Variants in DYNC1LI1 observed in about 807,000 individuals in gnomAD.
DYNC1LI1 encodes the protein dynein cytoplasmic 1 light intermediate chain 1.
Under a neutral mutation model 63.8 loss-of-function variants are expected in DYNC1LI1, and 19 were observed. The observed-to-expected ratio is 0.30, with a 90% CI of 0.21 to 0.44. The LOEUF (loss-of-function observed/expected upper bound fraction) is 0.44, where lower values mean the gene tolerates loss of function less well. Among genes scored for constraint, DYNC1LI1 ranks in the 20% least tolerant of loss-of-function variants. DYNC1LI1 has a pLI of 1.00. For synonymous variants in DYNC1LI1, 225 were observed against 232.3 expected (o/e 0.97, Z 0.28); for missense variants, 565 against 630.2 (o/e 0.90, Z 1.11).
intron 2 of DYNC1LI1, among the ~76,000 whole-genome samples, chr3:32,547,719 A>G (rs980579174): frequency 6.6e-6 from 1 of 152,200 alleles, no homozygotes; most frequent in Non-Finnish European, 1.5e-5. Flanking sequence ...CTTCACAGCA[A>G]TAAGTGTAAC....
At chr3:32,557,983 T>C (rs138113472) in intron 2 of DYNC1LI1, among the ~76,000 whole-genome samples, 1,781 of 152,336 alleles carry the variant, frequency 0.012, 26 homozygotes, top group Admixed American at 0.024. Flanking sequence ...TGCATGTTTA[T>C]ATACTAAATT....
At chr3:32,556,555 T>G (rs1244651774) in intron 2 of DYNC1LI1, among the ~76,000 whole-genome samples, 1 of 152,188 alleles carries the variant, frequency 6.6e-6, no homozygotes, top group East Asian at 1.9e-4. Context: ...TGTTTCTCTG[T>G]TTTGTTTTGA....
chr3:32,566,802 A>G lies in DYNC1LI1; in HGVS notation c.220+3544T>C, dbSNP rs1394524472. ...TCAATTGTATTAAAAGTAATTAAAT[A>G]TAAAAGGTAAAAATGAAAATGCAGT... On this transcript the variant is annotated intron_variant, in intron 2 of 12. Transcript: ENST00000273130. 6 of 353,852 alleles carry G rather than the reference A, an allele frequency of 1.7e-5. No individual in the cohort carries two copies. In the East Asian group the frequency reaches 5.6e-4, roughly 33 times the overall value. 21.9% of individuals were successfully genotyped at this position (353,852 alleles called of 1,614,324 possible).
At chr3:32,557,931 G>A (rs1407405813) in intron 2 of DYNC1LI1, among the ~76,000 whole-genome samples, 1 of 152,126 alleles carries the variant, frequency 6.6e-6, no homozygotes, top group Non-Finnish European at 1.5e-5. Flanking sequence ...AACCCTTTAG[G>A]TGATGATGCT....
chr3:32,537,275 G>A (rs777803998), intron 5 of DYNC1LI1, 171 bp from the exon 6 acceptor site: 8 of 373,288 alleles, frequency 2.1e-5, no homozygotes, highest in Non-Finnish European at 3.8e-5. Context: ...TTAGTTGGAG[G>A]GACTAATGGA....
At chr3:32,554,617 C>T (rs910180343) in intron 2 of DYNC1LI1, among the ~76,000 whole-genome samples, 14 of 152,134 alleles carry the variant, frequency 9.2e-5, no homozygotes, top group African/African-American at 3.1e-4. Context: ...TCCAAGTCAA[C>T]CTCTGCAAGG....
In DYNC1LI1 at chr3:32,544,937, A is replaced by G. The variant is rs1261696111; in HGVS notation, c.507T>C (p.Val169=). 1.9e-6 allele frequency: 3 copies of G among 1,614,074 alleles called. No individual in the cohort carries two copies. Among genetic ancestry groups the G allele is most frequent in the Non-Finnish European group, 2.5e-6 (3 of 1,180,004 alleles). The stretch of plus-strand genomic sequence containing the variant: ...TTTTCAGTTTGTCAACATGTTCTCT[A>G]ACAACACTTGCCCATTTCTGTAAAG... ...LDSLQKWASV[V]REHVDKLKIP... The change falls in exon 4 of 13, where the codon GTT becomes GTC. Residue 169 remains valine, a synonymous_variant. Transcript: ENST00000273130.
In DYNC1LI1 at chr3:32,570,368, C is replaced by G. The variant is rs773904340; in HGVS notation, c.198G>C (p.Ala66=). The G allele has an allele frequency of 1.9e-6, 3 of 1,604,942 alleles. No homozygotes were observed. Among genetic ancestry groups the G allele is most frequent in the Admixed American group, 1.7e-5 (1 of 59,218 alleles). The part of the protein sequence containing the change: ...VSTRSRSKLP[A]GKNVLLLGED... Reference sequence around the variant, plus strand: ...TACCCAGCAGTAGCACGTTCTTCCCCGCAGGGAGCTTGGAGCGCGAGCGGG... The same window carrying G: ...TACCCAGCAGTAGCACGTTCTTCCCGGCAGGGAGCTTGGAGCGCGAGCGGG... Residue 66 remains alanine (A), a synonymous_variant, in exon 2 of 13, where the codon GCG becomes GCC. Transcript: ENST00000273130.
intron 2 of DYNC1LI1, among the ~76,000 whole-genome samples, chr3:32,565,829 G>T (rs1011763729): frequency 6.6e-6 from 1 of 152,070 alleles, no homozygotes; most frequent in South Asian, 2.1e-4. Flanking sequence ...GGCTGGTCTC[G>T]AACTCTTGAC....
rs1697749789 is a variant in DYNC1LI1, at chr3:32,534,575, G to C, written c.904C>G (p.Gln302Glu). The stretch of plus-strand genomic sequence containing the variant: ...TTATAGGGAAATCCATATAGTTTCT[G>C]AACGATGTATTTATATACTAAGTCT... ...NIDLVYKYIV[Q>E]KLYGFPYKIP... is the part of the protein sequence containing the mutation. Residue 302 changes from glutamine to glutamate, a missense_variant, in exon 7 of 13, where the codon CAG (glutamine) becomes GAG (glutamate). Physicochemically the swap from Gln to Glu is conservative, Grantham distance 29. Coordinates refer to ENST00000273130, the MANE Select transcript of DYNC1LI1 (RefSeq NM_016141.4). 1 of 1,597,224 alleles carries C rather than the reference G, an allele frequency of 6.3e-7. No individual in the cohort carries two copies. The highest frequency in any genetic ancestry group is 8.6e-7 in the Non-Finnish European group (1 of 1,167,034).
chr3:32,566,216 G>A (rs1245394979), intron 2 of DYNC1LI1, among the ~76,000 whole-genome samples: 2 of 152,052 alleles, frequency 1.3e-5, no homozygotes, highest in African/African-American at 4.8e-5. Context: ...AGGTTGCAGT[G>A]AGCCGAGATT....
chr3:32,528,437 T>A lies in DYNC1LI1; in HGVS notation c.1462+9A>T. 2 of 1,614,068 alleles carry A rather than the reference T, an allele frequency of 1.2e-6. No homozygotes were observed. The highest frequency in any genetic ancestry group is 1.7e-6 in the Non-Finnish European group (2 of 1,179,946). On this transcript the variant is annotated intron_variant, in intron 12 of 12. Coordinates refer to ENST00000273130, the MANE Select transcript of DYNC1LI1 (RefSeq NM_016141.4). The stretch of plus-strand genomic sequence containing the variant: ...TTTTAAACAAGTGACTTGCTTCCCA[T>A]AAGCATACCTGACTTTTTGGTGGAT...
chr3:32,538,020 T>A (rs1303597651), intron 5 of DYNC1LI1, among the ~76,000 whole-genome samples: 2 of 25,648 alleles, frequency 7.8e-5, no homozygotes, highest in African/African-American at 5.1e-4. Flanking sequence ...TATATATATA[T>A]AATTTATATA....
chr3:32,555,242 C>T (rs1208616510), intron 2 of DYNC1LI1, among the ~76,000 whole-genome samples: 2 of 152,214 alleles, frequency 1.3e-5, no homozygotes, highest in African/African-American at 4.8e-5. Context: ...ACATCTTAAG[C>T]TTCAATTCAA....
At chr3:32,537,146 T>C in intron 5 of DYNC1LI1, 42 bp from the exon 6 acceptor site, 2 of 1,130,900 alleles carry the variant, frequency 1.8e-6, no homozygotes, top group Non-Finnish European at 2.5e-6. Context: ...TTTAAAATAA[T>C]CATAACTAAA....
intron 6 of DYNC1LI1, among the ~76,000 whole-genome samples, chr3:32,535,737 AACTGTC>A (rs138155928): frequency 0.01 from 1,538 of 152,300 alleles, 30 homozygotes; most frequent in African/African-American, 0.034. Flanking sequence ...GGTGATTTTG[AACTGTC>A]ACTGTCACTG....
In DYNC1LI1 at chr3:32,528,515, T is replaced by G; in HGVS notation, c.1393A>C (p.Ser465Arg). The G allele has an allele frequency of 2.5e-6, 4 of 1,614,132 alleles. No homozygotes were observed. The highest frequency in any genetic ancestry group is 3.4e-6 in the Non-Finnish European group (4 of 1,180,014). The change falls in exon 12 of 13, where the codon AGT (serine) becomes CGT (arginine). Residue 465 changes from serine (S) to arginine (R), a missense_variant. Coordinates refer to ENST00000273130, the MANE Select transcript of DYNC1LI1 (RefSeq NM_016141.4). ...KTGSPGGPGV[S>R]GGSPAGGAGG... ...GCCCCACCTGCAGGGCTACCACCAC[T>G]CACACCAGGGCCTCCTGGAGAGCCA...
rs1022054826 is a variant in DYNC1LI1 at position 32,530,860 on chromosome 3, C to T, written c.1081-340G>A. On this transcript the variant is annotated intron_variant, in intron 8 of 12. Transcript: ENST00000273130. ...TTTAAAAGGCATATGAGGCAAGTGG[C>T]TACCGTATTGAACAGCACAACCCTA... 3 of 224,412 alleles carry T rather than the reference C, an allele frequency of 1.3e-5. No homozygotes were observed. The Admixed American group carries it at 1.5e-4, about 11-fold the overall frequency. The allele number at this position is 224,412 out of a possible 1,614,324, so 13.9% of individuals were successfully genotyped here.
At chr3:32,536,827 T>C (rs1412757756) in intron 6 of DYNC1LI1, among the ~76,000 whole-genome samples, 184 bp downstream of exon 6, 1 of 152,162 alleles carries the variant, frequency 6.6e-6, no homozygotes, top group Non-Finnish European at 1.5e-5. Context: ...CTTCAATATT[T>C]GCTTTTCTAT....
Sources: gnomAD v4.1 joint callset for allele counts (sites outside exome capture counted in the v4.1 genomes callset) on GRCh38, gnomAD v4.1.1 for gene constraint, MANE v1.5 for transcripts, NCBI Gene and HGNC (gene_info 2026-07-23, HGNC 2026-07-21) for gene names.